The following TBC1D22A variants were observed in gnomAD, a reference collection of about 807,000 sequenced individuals.
TBC1D22A encodes the protein TBC1 domain family member 22A.
TBC1D22A carries 38 observed loss-of-function variants against 60.2 expected under a neutral mutation model. The ratio of observed to expected loss-of-function variants is 0.63; its 90% CI spans 0.49 to 0.83. The LOEUF is 0.83. Ranked by LOEUF, TBC1D22A falls within the 40% of genes least tolerant of loss-of-function variation. The pLI, the probability that TBC1D22A is intolerant of heterozygous loss-of-function variation, is 0.00. For synonymous variants in TBC1D22A, 302 were observed against 281.7 expected (o/e 1.07, Z -0.72); for missense variants, 628 against 701.0 (o/e 0.90, Z 1.18).
At chr22:46,999,869 C>G (rs957480597) in intron 10 of TBC1D22A, among the ~76,000 whole-genome samples, 1 of 151,780 alleles carries the variant, frequency 6.6e-6, no homozygotes, top group South Asian at 2.1e-4. Flanking sequence ...ACTAAAAATA[C>G]AAAATATTAG....
At chr22:46,879,491 T>G (rs1191424629) in intron 5 of TBC1D22A, among the ~76,000 whole-genome samples, 1 of 152,222 alleles carries the variant, frequency 6.6e-6, no homozygotes. Context: ...GGTCTGACTT[T>G]TAGTATTTAA....
chr22:47,014,355 G>GAGCCCTCTGATGACTCCCAT (rs1211607859), intron 10 of TBC1D22A, among the ~76,000 whole-genome samples: 3 of 152,104 alleles, frequency 2.0e-5, no homozygotes, highest in African/African-American at 7.2e-5. Context: ...CAGGTGTCCA[G>GAGCCCTCTGATGACTCCCAT]AGCCCTCTGA....
chr22:46,903,389 C>T (rs1043493330), intron 7 of TBC1D22A, among the ~76,000 whole-genome samples: 10 of 152,352 alleles, frequency 6.6e-5, no homozygotes, highest in Admixed American at 5.9e-4. Flanking sequence ...CCTCCCCGCC[C>T]TGATGGCTGC....
At chr22:46,902,873 TGTGCGTGAAA>T (rs2069104895) in intron 7 of TBC1D22A, among the ~76,000 whole-genome samples, 4 of 150,306 alleles carry the variant, frequency 2.7e-5, no homozygotes, top group African/African-American at 1.0e-4. Flanking sequence ...TGAAGACAGA[TGTGCGTGAAA>T]CCCAGAGAGA....
intron 8 of TBC1D22A, among the ~76,000 whole-genome samples, chr22:46,955,853 C>T (rs897441709): frequency 3.3e-5 from 5 of 152,120 alleles, no homozygotes; most frequent in African/African-American, 9.7e-5. Flanking sequence ...CTCCCTGTCC[C>T]GAGGACATAG....
chr22:47,054,992 C>T (rs940119508), intron 11 of TBC1D22A, among the ~76,000 whole-genome samples: 15 of 152,208 alleles, frequency 9.9e-5, no homozygotes, highest in East Asian at 3.9e-4. Context: ...ACCACCCCTG[C>T]GCAGCTGGGT....
intron 10 of TBC1D22A, among the ~76,000 whole-genome samples, chr22:47,018,303 G>T (rs1775049304): frequency 6.6e-6 from 1 of 152,192 alleles, no homozygotes; most frequent in Admixed American, 6.5e-5. Flanking sequence ...TGTGCCGTTG[G>T]TCTGTTCTGG....
At chr22:46,927,464 G>A (rs2071112818) in intron 8 of TBC1D22A, among the ~76,000 whole-genome samples, 1 of 152,132 alleles carries the variant, frequency 6.6e-6, no homozygotes, top group Non-Finnish European at 1.5e-5. Flanking sequence ...TCTAATAAAG[G>A]CTTCCATGAA....
rs57116517 is a variant in TBC1D22A, at chr22:46,904,142, T to TCTATCTATCTATCTATCTGCCTAC, written c.901-7929_901-7928insTCTATCTATCTATCTGCCTACCTA. ...ATCTATCTATCTATCTATCTATCTA[T>TCTATCTATCTATCTATCTGCCTAC]CTACCTACCTACCTACCTACCTACC... On this transcript the variant is annotated intron_variant, in intron 7 of 12. Transcript: ENST00000337137. Among the ~76,000 whole-genome samples, 425 of 134,572 alleles carry TCTATCTATCTATCTATCTGCCTAC rather than the reference T, an allele frequency of 3.2e-3. 1 individual carries two copies. Among genetic ancestry groups the TCTATCTATCTATCTATCTGCCTAC allele is most frequent in the Non-Finnish European group, 4.2e-3 (267 of 63,152 alleles). 88.3% of individuals were successfully genotyped at this position (134,572 alleles called of 152,430 possible).
intron 11 of TBC1D22A, among the ~76,000 whole-genome samples, chr22:47,048,012 TC>T (rs1293105524): frequency 6.6e-6 from 1 of 152,162 alleles, no homozygotes; most frequent in Non-Finnish European, 1.5e-5. Flanking sequence ...AAGTTGGTGT[TC>T]CTTAAATGAA....
In TBC1D22A at chr22:46,984,771, G is replaced by A. The variant is rs560615823; in HGVS notation, c.1125+10372G>A. On this transcript the variant is annotated intron_variant, in intron 9 of 12. Transcript: ENST00000337137. Reference sequence around the variant, plus strand: ...ACTTGTCAGAGAAAAGGCCAGAAACGCAGTGGCGTCATGACTCCTTTAGAG... The same window carrying A: ...ACTTGTCAGAGAAAAGGCCAGAAACACAGTGGCGTCATGACTCCTTTAGAG... Among the ~76,000 whole-genome samples, 21 of 152,354 alleles carry A rather than the reference G, an allele frequency of 1.4e-4. No homozygotes were observed. The South Asian group carries it at 4.1e-3, about 30-fold the overall frequency.
At chr22:46,919,877 G>A (rs557392678) in intron 8 of TBC1D22A, among the ~76,000 whole-genome samples, 27 of 152,104 alleles carry the variant, frequency 1.8e-4, no homozygotes, top group African/African-American at 4.3e-4. Context: ...TAAATTCCCC[G>A]GTGCTGCTGT....
At chr22:46,979,126 A>G (rs1434231363) in intron 9 of TBC1D22A, among the ~76,000 whole-genome samples, 1 of 152,144 alleles carries the variant, frequency 6.6e-6, no homozygotes, top group African/African-American at 2.4e-5. Context: ...AACATCATTC[A>G]TTGGCGATTT....
At chr22:47,105,154 CA>C (rs1317097338) in intron 11 of TBC1D22A, among the ~76,000 whole-genome samples, 7 of 150,994 alleles carry the variant, frequency 4.6e-5, no homozygotes, top group African/African-American at 1.7e-4. Context: ...TCAATAATAT[CA>C]TAAAAAAAAA....
intron 10 of TBC1D22A, among the ~76,000 whole-genome samples, chr22:47,014,379 C>T (rs1054285125): frequency 2.6e-5 from 4 of 152,160 alleles, no homozygotes; most frequent in African/African-American, 4.8e-5. Context: ...CTCCCATAGC[C>T]GCAGGCCTCA....
At position 47,161,163 on chromosome 22, in the gene TBC1D22A, G is replaced by A. The variant is rs569208132; in HGVS notation, c.1426-12335G>A. 6.2e-4 allele frequency among the ~76,000 whole-genome samples: 95 copies of A among 152,328 alleles called. 1 individual carries two copies. Among genetic ancestry groups the A allele is most frequent in the Middle Eastern group, 6.8e-3 (2 of 294 alleles). ...GGAGAAACCTCTAGAAAGAGACGGT[G>A]CCTGGATTGTCTTTTAGAAATTGAA... On this transcript the variant is annotated intron_variant, in intron 12 of 12. Transcript: ENST00000337137.
chr22:46,763,058 G>T (rs906767791), intron 1 of TBC1D22A, among the ~76,000 whole-genome samples: 1 of 152,164 alleles, frequency 6.6e-6, no homozygotes, highest in African/African-American at 2.4e-5. Flanking sequence ...ATCGAGGCTT[G>T]CAAGGACGAG....
chr22:46,896,766 C>T (rs953778301), intron 7 of TBC1D22A, among the ~76,000 whole-genome samples: 4 of 152,138 alleles, frequency 2.6e-5, no homozygotes, highest in Non-Finnish European at 2.9e-5. Context: ...TGCACACCGC[C>T]CACTGGTTTC....
In TBC1D22A at chr22:47,029,172, C is replaced by T. The variant is rs140177314; in HGVS notation, c.1202-7899C>T. Among the ~76,000 whole-genome samples the T allele has an allele frequency of 1.8e-4, 27 of 148,434 alleles. No homozygotes were observed. In the East Asian group the frequency reaches 4.3e-3, roughly 24 times the overall value. On this transcript the variant is annotated intron_variant, in intron 10 of 12. Transcript: ENST00000337137. ...CTGCAAGAGTCCCGGGGATGCAAAG[C>T]TTCCATACCCCTCCCCATGGGGCCC...
Sources: gnomAD v4.1 joint callset for allele counts (sites outside exome capture counted in the v4.1 genomes callset) on GRCh38, gnomAD v4.1.1 for gene constraint, MANE v1.5 for transcripts, NCBI Gene and HGNC (gene_info 2026-07-23, HGNC 2026-07-21) for gene names.